The following ACADSB variants were observed in gnomAD, a reference collection of about 807,000 sequenced individuals.
The protein encoded by ACADSB is short/branched chain specific acyl-CoA dehydrogenase, mitochondrial.
In ACADSB, 40 loss-of-function variants were observed where a neutral mutation model predicts 54.1. The ratio of observed to expected loss-of-function variants is 0.74; its 90% CI spans 0.57 to 0.96. ACADSB has a LOEUF of 0.96. ACADSB is among the 40% of genes least tolerant of loss of function. ACADSB has a pLI of 0.00. For missense variants in ACADSB, 530 were observed against 510.4 expected, an observed-to-expected ratio of 1.04 and a Z score of -0.37; for synonymous variants, 182 against 182.8, an observed-to-expected ratio of 1.00 and a Z score of 0.03.
Position 123,053,717 on chromosome 10 carries a change from C to G in ACADSB, c.1251C>G (p.Ser417=). ...AKIGTIYEGA[S]NIQLNTIAKH... is the part of the protein sequence containing the mutation. ...AAGGTACGATATATGAAGGAGCTTC[C>G]AACATCCAGTTGAACACCATTGCAA... Residue 417 remains serine, a synonymous_variant, in exon 11 of 11, where the codon TCC becomes TCG. Coordinates refer to ENST00000358776, the MANE Select transcript of ACADSB (RefSeq NM_001609.4). 2 of 1,614,064 alleles carry G rather than the reference C, an allele frequency of 1.2e-6. No individual in the cohort carries two copies. The highest frequency in any genetic ancestry group is 1.7e-6 in the Non-Finnish European group (2 of 1,179,942).
rs796352044 is a variant in ACADSB at position 123,054,698 on chromosome 10, T to C, written c.*933T>C. 5.9e-5 allele frequency: 9 copies of C among 152,320 alleles called. No individual in the cohort carries two copies. The highest frequency in any genetic ancestry group is 2.2e-4 in the African/African-American group (9 of 41,572). 9.4% of individuals were successfully genotyped at this position (152,320 alleles called of 1,614,324 possible). A position where few individuals can be genotyped will look rare whatever the true frequency, so the allele number is the denominator to read the frequency against. On this transcript the variant is annotated 3_prime_UTR_variant, in exon 11 of 11. Transcript: ENST00000358776. The stretch of plus-strand genomic sequence containing the variant: ...TACTATAATTAACCTGTATAAAAGA[T>C]ACATTTTATGGTGGTTTCAGTAGGT...
rs868646540 is a variant in ACADSB, at chr10:123,058,089, G to T, written c.*4324G>T. On this transcript the variant is annotated 3_prime_UTR_variant, in exon 11 of 11. Transcript: ENST00000358776. ...CAGCATGTCAAATGTGAAGATTATT[G>T]TGTGGGATCCTTTGGTTTCATTGTT... The T allele has an allele frequency of 1.3e-5, 2 of 152,290 alleles. No homozygotes were observed. The highest frequency in any genetic ancestry group is 2.9e-5 in the Non-Finnish European group (2 of 68,022). The allele number at this position is 152,290 out of a possible 1,614,324, so 9.4% of individuals were successfully genotyped here. A position where few individuals can be genotyped will look rare whatever the true frequency, so the allele number is the denominator to read the frequency against.
intron 1 of ACADSB, among the ~76,000 whole-genome samples, chr10:123,019,629 T>G (rs1289574383): frequency 2.0e-5 from 3 of 152,234 alleles, no homozygotes; most frequent in African/African-American, 4.8e-5. Flanking sequence ...TGTCAAGGTT[T>G]GTTTGTTTGT....
chr10:123,037,664 G>A, intron 2 of ACADSB, 83 bp from the exon 3 acceptor site: 1 of 946,960 alleles, frequency 1.1e-6, no homozygotes, highest in East Asian at 2.4e-5. Flanking sequence ...TTTTAACTTA[G>A]TTAAAATGTA....
At chr10:123,034,319 C>A (rs1850367615) in intron 1 of ACADSB, 37 bp from the exon 2 acceptor site, 4 of 1,601,496 alleles carry the variant, frequency 2.5e-6, no homozygotes, top group Non-Finnish European at 3.4e-6. Context: ...AAATGATATT[C>A]AAGTACCTTT....
intron 10 of ACADSB, among the ~76,000 whole-genome samples, chr10:123,053,428 A>G (rs987614969): frequency 6.6e-6 from 1 of 152,160 alleles, no homozygotes; most frequent in Admixed American, 6.5e-5. Flanking sequence ...GTCTGAGCTT[A>G]TGCATCAATT....
In ACADSB at chr10:123,040,541, G is replaced by A. The variant is rs1850457963; in HGVS notation, c.379G>A (p.Glu127Lys). 1 of 1,613,934 alleles carries A rather than the reference G, an allele frequency of 6.2e-7. No homozygotes were observed. Among genetic ancestry groups the A allele is most frequent in the Non-Finnish European group, 8.5e-7 (1 of 1,179,978 alleles). ...TTTATCCACTGTGCTCGTGATAGAGGAATTAGCCAAAGTTGATGCATCTGT... is the reference window on the plus strand; with the variant it reads ...TTTATCCACTGTGCTCGTGATAGAGAAATTAGCCAAAGTTGATGCATCTGT... ...SFLSTVLVIEELAKVDASVAV... is the reference protein window; with the variant it reads ...SFLSTVLVIEKLAKVDASVAV... The change falls in exon 4 of 11, where the codon GAA becomes AAA. Residue 127 changes from glutamate (E) to lysine (K), a missense_variant. Coordinates refer to ENST00000358776, the MANE Select transcript of ACADSB (RefSeq NM_001609.4).
At chr10:123,037,459 G>A (rs1020615871) in intron 2 of ACADSB, among the ~76,000 whole-genome samples, 5 of 152,050 alleles carry the variant, frequency 3.3e-5, no homozygotes, top group African/African-American at 1.2e-4. Context: ...GTCACCTTTG[G>A]GTAGAGTGGA....
intron 2 of ACADSB, among the ~76,000 whole-genome samples, chr10:123,035,786 T>C (rs1850390634): frequency 6.6e-6 from 1 of 152,194 alleles, no homozygotes; most frequent in African/African-American, 2.4e-5. Context: ...GCCTCTGTAT[T>C]CCTTGCCATG....
rs534868009 is a variant in ACADSB at position 123,056,931 on chromosome 10, C to T, written c.*3166C>T. The T allele has an allele frequency of 1.3e-5, 2 of 152,708 alleles. No individual in the cohort carries two copies. The highest frequency in any genetic ancestry group is 2.1e-4 in the South Asian group (1 of 4,828). The allele number at this position is 152,708 out of a possible 1,614,324, so 9.5% of individuals were successfully genotyped here. A position where few individuals can be genotyped will look rare whatever the true frequency, so the allele number is the denominator to read the frequency against. ...AGGAAGAAACAAGGACAAATTTAGA[C>T]CTTGAATCCGAAGAGATAAAGCTTA... On this transcript the variant is annotated 3_prime_UTR_variant, in exon 11 of 11. Coordinates refer to ENST00000358776, the MANE Select transcript of ACADSB (RefSeq NM_001609.4).
At chr10:123,047,139 A>T in intron 7 of ACADSB, 70 bp from the exon 8 acceptor site, 1 of 1,240,318 alleles carries the variant, frequency 8.1e-7, no homozygotes, top group Non-Finnish European at 1.2e-6. Flanking sequence ...GTTTAGAGGG[A>T]ATTCACAACT....
chr10:123,016,678 G>A (rs1850113103), intron 1 of ACADSB, among the ~76,000 whole-genome samples: 1 of 152,218 alleles, frequency 6.6e-6, no homozygotes, highest in Non-Finnish European at 1.5e-5. Context: ...GAGTGGACAA[G>A]TCAGCCTTTG....
chr10:123,057,594 A>T lies in ACADSB; in HGVS notation c.*3829A>T, dbSNP rs1850724714. The T allele has an allele frequency of 6.6e-6, 1 of 152,226 alleles. No homozygotes were observed. Among genetic ancestry groups the T allele is most frequent in the Non-Finnish European group, 1.5e-5 (1 of 68,042 alleles). The allele number at this position is 152,226 out of a possible 1,614,324, so 9.4% of individuals were successfully genotyped here. A position where few individuals can be genotyped will look rare whatever the true frequency, so the allele number is the denominator to read the frequency against. Reference sequence around the variant, plus strand: ...CTTGGGGCTCAGAAGATAAAGAACTATTTGAGCAGATGTGTGTGGGTGGCA... The same window carrying T: ...CTTGGGGCTCAGAAGATAAAGAACTTTTTGAGCAGATGTGTGTGGGTGGCA... On this transcript the variant is annotated 3_prime_UTR_variant, in exon 11 of 11. Coordinates refer to ENST00000358776, the MANE Select transcript of ACADSB (RefSeq NM_001609.4).
At chr10:123,024,307 C>T (rs1477568489) in intron 1 of ACADSB, among the ~76,000 whole-genome samples, 3 of 152,244 alleles carry the variant, frequency 2.0e-5, no homozygotes, top group East Asian at 1.9e-4. Context: ...AGATTAGCTG[C>T]GCCACATGTA....
At chr10:123,038,137 G>A (rs1850424193) in intron 3 of ACADSB, among the ~76,000 whole-genome samples, 1 of 152,146 alleles carries the variant, frequency 6.6e-6, no homozygotes, top group Admixed American at 6.5e-5. Flanking sequence ...GGGGACATTG[G>A]GCAACGTCTA....
chr10:123,051,481 G>A (rs1344289319), intron 9 of ACADSB, among the ~76,000 whole-genome samples: 2 of 151,892 alleles, frequency 1.3e-5, no homozygotes, highest in Non-Finnish European at 2.9e-5. Context: ...TCCATGTTTC[G>A]TGAGTAGCCC....
chr10:123,050,948 AT>A (rs1297915711), intron 8 of ACADSB, 100 bp from the exon 9 acceptor site: 1 of 1,272,334 alleles, frequency 7.9e-7, no homozygotes, highest in Non-Finnish European at 1.1e-6. Context: ...TTTGGGGTGT[AT>A]TTTGAGTCTG....
intron 2 of ACADSB, among the ~76,000 whole-genome samples, chr10:123,036,085 C>A (rs539484261): frequency 2.0e-5 from 3 of 152,152 alleles, no homozygotes; most frequent in Admixed American, 1.3e-4. Context: ...AAGTAAATTT[C>A]TTTTCTTTCT....
rs536175455 is a variant in ACADSB, at chr10:123,039,358, G to A, written c.304-1108G>A. Among the ~76,000 whole-genome samples the A allele has an allele frequency of 2.6e-5, 4 of 152,284 alleles. No individual in the cohort carries two copies. In the East Asian group the frequency reaches 7.7e-4, roughly 29 times the overall value. On this transcript the variant is annotated intron_variant, in intron 3 of 10. Coordinates refer to ENST00000358776, the MANE Select transcript of ACADSB (RefSeq NM_001609.4). ...TGACTGCAGCATAGTGTGACTCCAG[G>A]AATGTCTAGAGAGAGACTAAGAGAA...
Sources: allele counts gnomAD v4.1 joint callset (sites outside exome capture counted in the v4.1 genomes callset), GRCh38; gene constraint gnomAD v4.1.1; transcripts MANE v1.5; gene names NCBI Gene and HGNC (gene_info 2026-07-23, HGNC 2026-07-21).